Variants in ADGRB3 observed in about 807,000 individuals in gnomAD.
ADGRB3 encodes the protein brain-specific angiogenesis inhibitor 3.
In ADGRB3, 37 loss-of-function variants were observed where a neutral mutation model predicts 193.4. That is an observed-to-expected ratio of 0.19 (90% CI 0.15 to 0.25). The LOEUF is 0.25. Among genes scored for constraint, ADGRB3 ranks in the 10% least tolerant of loss-of-function variants. The pLI is 1.00. For synonymous variants in ADGRB3, 690 were observed against 644.2 expected, an observed-to-expected ratio of 1.07 and a Z score of -1.08; for missense variants, 1,637 against 1,852.9, an observed-to-expected ratio of 0.88 and a Z score of 2.14.
intron 3 of ADGRB3, among the ~76,000 whole-genome samples, chr6:68,802,737 A>G (rs1181306553): frequency 6.6e-6 from 1 of 152,220 alleles, no homozygotes; most frequent in Non-Finnish European, 1.5e-5. Context: ...ACACAATGCC[A>G]TGGATTCATC....
chr6:69,161,154 C>T (rs554637716), intron 17 of ADGRB3, among the ~76,000 whole-genome samples: 2 of 151,750 alleles, frequency 1.3e-5, no homozygotes, highest in East Asian at 3.9e-4. Flanking sequence ...ATAATAAAGC[C>T]TAATATGTAA....
chr6:69,134,946 A>C (rs957711328), intron 17 of ADGRB3, among the ~76,000 whole-genome samples: 3 of 151,996 alleles, frequency 2.0e-5, no homozygotes, highest in African/African-American at 4.8e-5. Context: ...ATTTTTTCTA[A>C]ATATAAGTGT....
intron 20 of ADGRB3, among the ~76,000 whole-genome samples, chr6:69,264,915 T>G (rs1451488752): frequency 6.6e-6 from 1 of 151,932 alleles, no homozygotes; most frequent in Non-Finnish European, 1.5e-5. Flanking sequence ...AGAAATATAG[T>G]CCCATTGGTT....
chr6:68,749,885 A>G (rs1438362887), intron 3 of ADGRB3, among the ~76,000 whole-genome samples: 1 of 152,194 alleles, frequency 6.6e-6, no homozygotes, highest in African/African-American at 2.4e-5. Flanking sequence ...TTGAATTGTA[A>G]TCTGAATCTA....
intron 17 of ADGRB3, among the ~76,000 whole-genome samples, chr6:69,205,804 A>G (rs1352236785): frequency 1.3e-5 from 2 of 151,710 alleles, no homozygotes; most frequent in Admixed American, 6.6e-5. Context: ...ATTATTTTTA[A>G]GAGATGAGTC....
chr6:69,092,192 A>G (rs1282197182), intron 17 of ADGRB3, among the ~76,000 whole-genome samples: 1 of 152,204 alleles, frequency 6.6e-6, no homozygotes, highest in Non-Finnish European at 1.5e-5. Context: ...CATGATCTTC[A>G]CAGGCTTGAG....
At chr6:69,012,837 T>C (rs1395174494) in intron 11 of ADGRB3, among the ~76,000 whole-genome samples, 2 of 152,056 alleles carry the variant, frequency 1.3e-5, no homozygotes, top group Admixed American at 1.3e-4. Context: ...TTAGTGCAAA[T>C]GCCTGTTTTG....
chr6:69,243,003 C>A (rs1766416550), intron 20 of ADGRB3, among the ~76,000 whole-genome samples: 1 of 151,796 alleles, frequency 6.6e-6, no homozygotes, highest in South Asian at 2.1e-4. Context: ...AATAGTTTTT[C>A]TTAATGACAA....
At chr6:68,922,601 C>T (rs1312278994) in intron 3 of ADGRB3, among the ~76,000 whole-genome samples, 2 of 152,148 alleles carry the variant, frequency 1.3e-5, no homozygotes, top group African/African-American at 2.4e-5. Context: ...CATGAATCAA[C>T]TTTCAATCTG....
chr6:69,019,327 G>T (rs1016731105), intron 13 of ADGRB3, among the ~76,000 whole-genome samples: 2 of 151,968 alleles, frequency 1.3e-5, no homozygotes, highest in African/African-American at 2.4e-5. Context: ...TTTAAATAAA[G>T]ATATTTTGCC....
Position 68,638,641 on chromosome 6 carries a change from T to C in ADGRB3, c.-15-20T>C, listed in dbSNP as rs777179256. ...ACGTAGACTCCTACTTGCATTTTAC[T>C]TTCATTGCCATTTTTACAGGCCAAA... is the stretch of plus-strand genomic sequence containing the variant. On this transcript the variant is annotated intron_variant, in intron 2 of 31. Transcript: ENST00000370598. The C allele has an allele frequency of 4.0e-5, 62 of 1,565,712 alleles. No individual in the cohort carries two copies. The South Asian group carries it at 6.8e-4, about 17-fold the overall frequency.
chr6:68,636,547 G>T (rs12198214), intron 1 of ADGRB3, among the ~76,000 whole-genome samples: 30,443 of 146,390 alleles, frequency 0.21, 4,064 homozygotes, highest in Non-Finnish European at 0.3. Context: ...AGGGAAACAC[G>T]GCTTTTTGAA....
At chr6:69,100,435 T>C (rs1772999960) in intron 17 of ADGRB3, among the ~76,000 whole-genome samples, 1 of 152,118 alleles carries the variant, frequency 6.6e-6, no homozygotes, top group African/African-American at 2.4e-5. Context: ...TCTATAAAAG[T>C]TATAAGAGAG....
chr6:69,028,678 C>T (rs1335479112), intron 13 of ADGRB3, among the ~76,000 whole-genome samples: 1 of 152,110 alleles, frequency 6.6e-6, no homozygotes, highest in East Asian at 1.9e-4. Context: ...TGCTTCTTGT[C>T]CCTGAGAAAC....
At chr6:68,789,293 C>A (rs1172454881) in intron 3 of ADGRB3, among the ~76,000 whole-genome samples, 1 of 152,110 alleles carries the variant, frequency 6.6e-6, no homozygotes, top group African/African-American at 2.4e-5. Flanking sequence ...TGGCTGGTAC[C>A]AGTTGATCCT....
chr6:68,916,034 A>G (rs1766868738), intron 3 of ADGRB3, among the ~76,000 whole-genome samples: 1 of 152,072 alleles, frequency 6.6e-6, no homozygotes, highest in Non-Finnish European at 1.5e-5. Context: ...ATGCAGAAGA[A>G]GCAGCAGATG....
chr6:69,103,211 G>A (rs957157488), intron 17 of ADGRB3, among the ~76,000 whole-genome samples: 7 of 152,306 alleles, frequency 4.6e-5, no homozygotes, highest in African/African-American at 1.4e-4. Context: ...ACTTTAGAGA[G>A]AGTCCAAATG....
At chr6:69,135,041 G>A (rs1053650183) in intron 17 of ADGRB3, among the ~76,000 whole-genome samples, 1 of 151,566 alleles carries the variant, frequency 6.6e-6, no homozygotes, top group Admixed American at 6.6e-5. Context: ...TTTTCTGAGG[G>A]GTATAAATTT....
chr6:68,844,650 G>A (rs1482909644), intron 3 of ADGRB3, among the ~76,000 whole-genome samples: 1 of 152,120 alleles, frequency 6.6e-6, no homozygotes, highest in Non-Finnish European at 1.5e-5. Context: ...AGGATATGGA[G>A]GAGATATTTG....
Sources: allele counts gnomAD v4.1 joint callset (sites outside exome capture counted in the v4.1 genomes callset), GRCh38; gene constraint gnomAD v4.1.1; transcripts MANE v1.5; gene names NCBI Gene and HGNC (gene_info 2026-07-23, HGNC 2026-07-21).